Variants in RANBP2 observed in about 807,000 individuals in gnomAD.
RANBP2 encodes the protein RAN binding protein 2.
RANBP2 carries 57 observed loss-of-function variants against 303.6 expected under a neutral mutation model. The observed-to-expected ratio is 0.19, with a 90% confidence interval of 0.15 to 0.23. RANBP2 has a LOEUF of 0.23. RANBP2 is among the 10% of genes least tolerant of loss of function. RANBP2 has a pLI of 1.00. For missense variants in RANBP2, 3,138 were observed against 3,780.8 expected (o/e 0.83, Z 4.46); for synonymous variants, 1,167 against 1,301.5 (o/e 0.90, Z 2.23).
At chr2:108,886,375 A>G in the RANBP2 span, among the ~76,000 whole-genome samples, 1 of 151,922 alleles carries the variant, frequency 6.6e-6, no homozygotes, top group African/African-American at 2.4e-5. Flanking sequence ...GGTTACCTGT[A>G]TGTCTTCTTT....
chr2:108,829,740 T>G, the RANBP2 span, among the ~76,000 whole-genome samples: 1 of 152,134 alleles, frequency 6.6e-6, no homozygotes, highest in Non-Finnish European at 1.5e-5. Flanking sequence ...ATTGAGACTG[T>G]GTCAATACAT....
chr2:108,811,635 C>T, the RANBP2 span, among the ~76,000 whole-genome samples: 2 of 152,000 alleles, frequency 1.3e-5, no homozygotes, highest in Non-Finnish European at 2.9e-5. Context: ...ATTTTAGATT[C>T]AGAGGGTACA....
chr2:109,059,655 T>C, the RANBP2 span, among the ~76,000 whole-genome samples: 1 of 151,704 alleles, frequency 6.6e-6, no homozygotes, highest in Admixed American at 6.6e-5. Flanking sequence ...CAGCCACCAC[T>C]GCCTCTCCTC....
the RANBP2 span, among the ~76,000 whole-genome samples, chr2:109,481,531 A>G: frequency 6.6e-6 from 1 of 152,190 alleles, no homozygotes; most frequent in East Asian, 1.9e-4. Context: ...AGTTTCCAGA[A>G]GGCTGTAGAT....
chr2:109,135,332 G>A, the RANBP2 span, among the ~76,000 whole-genome samples: 3 of 152,212 alleles, frequency 2.0e-5, no homozygotes, highest in Admixed American at 2.0e-4. Context: ...AGGAGGGGAA[G>A]GGGTGGTGGG....
At chr2:109,719,804 T>C in the RANBP2 span, among the ~76,000 whole-genome samples, 1 of 152,212 alleles carries the variant, frequency 6.6e-6, no homozygotes, top group African/African-American at 2.4e-5. Flanking sequence ...GAAGGCCTTT[T>C]CATAAGCATC....
the RANBP2 span, among the ~76,000 whole-genome samples, chr2:109,562,334 T>C: frequency 1.3e-5 from 2 of 152,002 alleles, no homozygotes; most frequent in African/African-American, 2.4e-5. Context: ...TGGACCACCA[T>C]GGCAACCTCC....
At chr2:109,053,701 A>G in the RANBP2 span, among the ~76,000 whole-genome samples, 1 of 152,202 alleles carries the variant, frequency 6.6e-6, no homozygotes, top group Admixed American at 6.5e-5. Flanking sequence ...AGAATCAGAC[A>G]GGTTGGAAAC....
At chr2:108,745,872 A>G (rs910568323) in intron 7 of RANBP2, among the ~76,000 whole-genome samples, 1 of 150,718 alleles carries the variant, frequency 6.6e-6, no homozygotes, top group African/African-American at 2.4e-5. Flanking sequence ...TTTAGTAGAA[A>G]CTAATTTCTC....
At chr2:109,676,767 G>A in the RANBP2 span, among the ~76,000 whole-genome samples, 1 of 152,180 alleles carries the variant, frequency 6.6e-6, no homozygotes, top group African/African-American at 2.4e-5. Context: ...CCTTCTGTGA[G>A]CTCTGCCACG....
chr2:108,978,766 C>T, the RANBP2 span, among the ~76,000 whole-genome samples: 2 of 152,126 alleles, frequency 1.3e-5, no homozygotes, highest in African/African-American at 2.4e-5. Context: ...GACAGTCTAT[C>T]GGTAAGCTGG....
the RANBP2 span, among the ~76,000 whole-genome samples, chr2:109,125,342 G>C: frequency 5.3e-5 from 8 of 152,170 alleles, no homozygotes; most frequent in African/African-American, 1.9e-4. Context: ...CATGTGGAGC[G>C]TCTTCCAAAT....
chr2:109,438,705 G>A, the RANBP2 span, among the ~76,000 whole-genome samples: 4 of 152,282 alleles, frequency 2.6e-5, no homozygotes, highest in Admixed American at 6.5e-5. Context: ...CATGGTTTAC[G>A]TGGATCTGTG....
At chr2:109,347,571 G>C in the RANBP2 span, 1 of 1,462,516 alleles carries the variant, frequency 6.8e-7, no homozygotes, top group Non-Finnish European at 9.2e-7. Flanking sequence ...GCACCCCCAG[G>C]ACACAGAAAG....
chr2:109,238,486 TGTGTGTGTGTGTGAGA>T, the RANBP2 span, among the ~76,000 whole-genome samples: 139 of 139,014 alleles, frequency 1.0e-3, no homozygotes, highest in African/African-American at 3.9e-3. Context: ...TGTGTGTGTG[TGTGTGTGTGTGTGAGA>T]GTGAGACAGA....
chr2:109,490,615 A>T, the RANBP2 span: 1 of 1,449,156 alleles, frequency 6.9e-7, no homozygotes, highest in Non-Finnish European at 9.1e-7. Context: ...AAAGAGAAGA[A>T]GAGTGGGCTC....
chr2:109,013,684 A>T, the RANBP2 span, among the ~76,000 whole-genome samples: 3 of 151,678 alleles, frequency 2.0e-5, no homozygotes, highest in African/African-American at 7.3e-5. Flanking sequence ...GGCTCAAGCA[A>T]TTCTCCTGCC....
chr2:109,308,978 G>C, the RANBP2 span, among the ~76,000 whole-genome samples: 4 of 79,970 alleles, frequency 5.0e-5, 2 homozygotes, highest in Non-Finnish European at 8.3e-5. Context: ...TTGGTAGCTT[G>C]ATGGGGATGG....
rs1174223906 is a variant in RANBP2, at chr2:108,723,422, C to G, written c.72+3744C>G. ...AGCCTGTAGCTGGGACTACAGGCAC[C>G]CGCCACCACACCCGGCTAATTTTTT... On this transcript the variant is annotated intron_variant, in intron 1 of 28. Coordinates refer to ENST00000283195, the MANE Select transcript of RANBP2 (RefSeq NM_006267.5). Among the ~76,000 whole-genome samples the G allele has an allele frequency of 2.0e-5, 3 of 151,956 alleles. No homozygotes were observed. The South Asian group carries it at 6.2e-4, about 32-fold the overall frequency.
Sources: gnomAD v4.1 joint callset for allele counts (sites outside exome capture counted in the v4.1 genomes callset) on GRCh38, gnomAD v4.1.1 for gene constraint, MANE v1.5 for transcripts, NCBI Gene and HGNC (gene_info 2026-07-23, HGNC 2026-07-21) for gene names.